AGBL4: variants seen among roughly 807,000 people sequenced by gnomAD.
AGBL4 encodes the protein AGBL carboxypeptidase 4.
In AGBL4, 58 loss-of-function variants were observed where a neutral mutation model predicts 66.4. The observed-to-expected ratio is 0.87, with a 90% CI of 0.71 to 1.09. The LOEUF (loss-of-function observed/expected upper bound fraction) is 1.09. Among genes scored for constraint, AGBL4 ranks in the 50% least tolerant of loss-of-function variants. AGBL4 has a pLI of 0.00. For synonymous variants in AGBL4, 234 were observed against 222.9 expected (o/e 1.05, Z -0.44); for missense variants, 579 against 631.0 (o/e 0.92, Z 0.88).
chr1:49,177,104 G>T (rs906684889), intron 4 of AGBL4, among the ~76,000 whole-genome samples: 1 of 152,022 alleles, frequency 6.6e-6, no homozygotes, highest in African/African-American at 2.4e-5. Context: ...AAGACACATG[G>T]TACAGCAGGA....
intron 4 of AGBL4, among the ~76,000 whole-genome samples, chr1:49,197,927 G>A (rs1427134620): frequency 1.3e-5 from 2 of 152,188 alleles, no homozygotes; most frequent in East Asian, 1.9e-4. Context: ...CCTAATGCCA[G>A]TGGATGCTGC....
intron 5 of AGBL4, among the ~76,000 whole-genome samples, chr1:48,944,616 C>T (rs1022441921): frequency 3.9e-5 from 6 of 152,280 alleles, no homozygotes; most frequent in South Asian, 2.1e-4. Flanking sequence ...AGCGTGCCCA[C>T]GCCAGGCCTC....
rs746660725 is a variant in AGBL4, at chr1:48,867,256, G to T, written c.595-26C>A. 6.2e-6 allele frequency: 10 copies of T among 1,612,520 alleles called. No homozygotes were observed. In the South Asian group the frequency reaches 1.1e-4, roughly 18 times the overall value. On this transcript the variant is annotated intron_variant, in intron 5 of 13. Coordinates refer to ENST00000371839, the MANE Select transcript of AGBL4 (RefSeq NM_032785.4). ...CTGCAAAAGAAAACACACTGTGAGGGCACTGATTTGAGCCAGAGCCAAAAT... is the reference window on the plus strand; with the variant it reads ...CTGCAAAAGAAAACACACTGTGAGGTCACTGATTTGAGCCAGAGCCAAAAT...
intron 3 of AGBL4, among the ~76,000 whole-genome samples, chr1:49,294,056 G>C (rs1360402575): frequency 1.3e-5 from 2 of 152,168 alleles, no homozygotes; most frequent in South Asian, 2.1e-4. Flanking sequence ...CTGAAGTTTA[G>C]AGACACACAA....
intron 3 of AGBL4, among the ~76,000 whole-genome samples, chr1:49,497,875 T>C (rs1305276020): frequency 2.6e-5 from 4 of 152,008 alleles, no homozygotes; most frequent in African/African-American, 9.6e-5. Context: ...TAGTCCCACA[T>C]GAATTTTAAA....
intron 4 of AGBL4, among the ~76,000 whole-genome samples, chr1:49,216,558 C>A: frequency 6.6e-6 from 1 of 152,088 alleles, no homozygotes; most frequent in Non-Finnish European, 1.5e-5. Flanking sequence ...GGCCTCCAGC[C>A]GCAACCATGT....
chr1:49,497,446 T>C (rs1363741598), intron 3 of AGBL4, among the ~76,000 whole-genome samples: 1 of 151,940 alleles, frequency 6.6e-6, no homozygotes, highest in Admixed American at 6.6e-5. Flanking sequence ...TGCCCAGACA[T>C]GGAGCCAGTC....
intron 5 of AGBL4, among the ~76,000 whole-genome samples, chr1:49,043,918 A>C (rs1208822952): frequency 6.6e-6 from 1 of 152,206 alleles, no homozygotes; most frequent in Non-Finnish European, 1.5e-5. Context: ...TGAAACTCAC[A>C]GTCACTAGGC....
chr1:49,757,934 T>C (rs1339570097), intron 2 of AGBL4, among the ~76,000 whole-genome samples: 9 of 152,070 alleles, frequency 5.9e-5, no homozygotes, highest in Non-Finnish European at 8.8e-5. Flanking sequence ...GGGGAAAACG[T>C]CTCCAGGGCA....
intron 4 of AGBL4, among the ~76,000 whole-genome samples, chr1:49,234,845 C>G (rs1650594161): frequency 6.6e-6 from 1 of 152,100 alleles, no homozygotes; most frequent in South Asian, 2.1e-4. Flanking sequence ...AACAGCATAG[C>G]TAAGGGTCAT....
chr1:49,676,956 G>T (rs1646591640), intron 3 of AGBL4, among the ~76,000 whole-genome samples: 1 of 152,028 alleles, frequency 6.6e-6, no homozygotes, highest in African/African-American at 2.4e-5. Context: ...TATATTGAGT[G>T]ATATGCCATG....
intron 6 of AGBL4, among the ~76,000 whole-genome samples, chr1:48,826,981 GA>G (rs1646440183): frequency 6.6e-6 from 1 of 152,058 alleles, no homozygotes; most frequent in African/African-American, 2.4e-5. Flanking sequence ...CCCACTGCCT[GA>G]ATATTCTTTC....
intron 3 of AGBL4, among the ~76,000 whole-genome samples, chr1:49,535,867 ATTTTTAGTAGAGACGGGG>A (rs1000281143): frequency 9.2e-5 from 14 of 151,810 alleles, no homozygotes; most frequent in Admixed American, 1.3e-4. Context: ...AATTTTTTGT[ATTTTTAGTAGAGACGGGG>A]TTTCACCGTG....
intron 1 of AGBL4, among the ~76,000 whole-genome samples, chr1:49,953,157 GTCA>G (rs905396313): frequency 3.4e-4 from 51 of 152,024 alleles, no homozygotes; most frequent in African/African-American, 1.2e-3. Context: ...ATCTTTATCT[GTCA>G]TCATCTAGGT....
At chr1:49,264,156 A>T (rs757420022) in intron 3 of AGBL4, among the ~76,000 whole-genome samples, 16 of 152,084 alleles carry the variant, frequency 1.1e-4, no homozygotes, top group African/African-American at 3.9e-4. Context: ...AGGTAAGGAG[A>T]GAGGATGTTA....
chr1:48,641,146 C>T (rs1417497196), intron 8 of AGBL4, among the ~76,000 whole-genome samples: 3 of 152,126 alleles, frequency 2.0e-5, no homozygotes, highest in African/African-American at 2.4e-5. Flanking sequence ...AGCATATTTG[C>T]ACCAAAAGCA....
At chr1:49,731,211 A>G (rs1355233871) in intron 2 of AGBL4, among the ~76,000 whole-genome samples, 1 of 151,976 alleles carries the variant, frequency 6.6e-6, no homozygotes. Flanking sequence ...CTTCCCCATG[A>G]CTCCTATAAT....
chr1:49,632,375 G>A (rs1323129593), intron 3 of AGBL4, among the ~76,000 whole-genome samples: 1 of 152,164 alleles, frequency 6.6e-6, no homozygotes, highest in African/African-American at 2.4e-5. Flanking sequence ...ATTCTACCAA[G>A]ATTTTACAAG....
chr1:49,067,922 A>G (rs1644521450), intron 4 of AGBL4, among the ~76,000 whole-genome samples: 1 of 143,874 alleles, frequency 7.0e-6, no homozygotes, highest in South Asian at 2.3e-4. Flanking sequence ...CCACACCCCG[A>G]CAGGCCCCAG....
Sources: allele counts gnomAD v4.1 joint callset (sites outside exome capture counted in the v4.1 genomes callset), GRCh38; gene constraint gnomAD v4.1.1; transcripts MANE v1.5; gene names NCBI Gene and HGNC (gene_info 2026-07-23, HGNC 2026-07-21).